The following CTNNA3 variants were observed in gnomAD, a reference collection of about 807,000 sequenced individuals.
The protein encoded by CTNNA3 is catenin alpha 3.
A neutral mutation model predicts 95.7 loss-of-function variants in CTNNA3; 76 were observed. The observed-to-expected ratio is 0.79, with a 90% CI of 0.66 to 0.96. The LOEUF (loss-of-function observed/expected upper bound fraction) is 0.96, where lower values mean the gene tolerates loss of function less well. Among genes scored for constraint, CTNNA3 ranks in the 40% least tolerant of loss-of-function variants. CTNNA3 has a pLI of 0.00. For synonymous variants in CTNNA3, 431 were observed against 374.4 expected, an observed-to-expected ratio of 1.15 and a Z score of -1.74; for missense variants, 1,191 against 1,089.8, an observed-to-expected ratio of 1.09 and a Z score of -1.31.
chr10:67,580,891 T>C lies in CTNNA3; in HGVS notation c.292+25966A>G, dbSNP rs1488973137. On this transcript the variant is annotated intron_variant, in intron 3 of 17. Transcript: ENST00000433211. ...TATTGGTGTATAGGAATGCTTGTGA[T>C]TTTTGCACATTGATTTTGTATCCTG... Among the ~76,000 whole-genome samples the C allele has an allele frequency of 6.6e-5, 10 of 152,232 alleles. No individual in the cohort carries two copies. The East Asian group carries it at 1.9e-3, about 29-fold the overall frequency.
intron 10 of CTNNA3, among the ~76,000 whole-genome samples, chr10:66,555,286 G>A (rs535173243): frequency 6.6e-6 from 1 of 152,208 alleles, no homozygotes; most frequent in East Asian, 1.9e-4. Context: ...TTGAGATGTT[G>A]CCAAAAGTTC....
At chr10:67,517,696 T>A (rs1213163520) in intron 5 of CTNNA3, among the ~76,000 whole-genome samples, 1 of 152,152 alleles carries the variant, frequency 6.6e-6, no homozygotes, top group Non-Finnish European at 1.5e-5. Context: ...TCCTCAGTAC[T>A]TTAACTGCCC....
intron 12 of CTNNA3, among the ~76,000 whole-genome samples, chr10:66,305,021 G>A (rs1232537846): frequency 6.6e-6 from 1 of 151,894 alleles, no homozygotes. Context: ...CCTCTCCCTG[G>A]TGGCACACGC....
intron 17 of CTNNA3, among the ~76,000 whole-genome samples, chr10:65,927,584 T>C (rs1451201520): frequency 6.6e-6 from 1 of 152,208 alleles, no homozygotes; most frequent in Non-Finnish European, 1.5e-5. Flanking sequence ...ATGTTTCACA[T>C]GGCATTACAT....
At chr10:67,321,867 A>G (rs1841330536) in intron 5 of CTNNA3, among the ~76,000 whole-genome samples, 1 of 152,076 alleles carries the variant, frequency 6.6e-6, no homozygotes, top group Non-Finnish European at 1.5e-5. Context: ...AACTTCTTCC[A>G]TCCCTATAAG....
chr10:67,000,983 GA>G (rs1851650126), intron 7 of CTNNA3, among the ~76,000 whole-genome samples: 1 of 152,054 alleles, frequency 6.6e-6, no homozygotes, highest in African/African-American at 2.4e-5. Context: ...GAGAAAATAG[GA>G]AGGAATAGTC....
intron 5 of CTNNA3, among the ~76,000 whole-genome samples, chr10:67,296,575 T>G (rs1240168150): frequency 5.3e-5 from 8 of 152,186 alleles, no homozygotes. Flanking sequence ...TCCTCCAGGT[T>G]GAAAGGGGTT....
intron 10 of CTNNA3, among the ~76,000 whole-genome samples, chr10:66,522,642 C>T (rs1053048541): frequency 1.3e-5 from 2 of 151,820 alleles, no homozygotes; most frequent in African/African-American, 4.8e-5. Context: ...GTCAATTAAA[C>T]CTCTTTCCTT....
chr10:66,527,203 C>A (rs1427379962), intron 10 of CTNNA3, among the ~76,000 whole-genome samples: 2 of 152,256 alleles, frequency 1.3e-5, no homozygotes, highest in South Asian at 2.1e-4. Flanking sequence ...ATTATCTGGG[C>A]AGCCTTGTCA....
At chr10:66,423,551 C>G (rs1478849627) in intron 11 of CTNNA3, among the ~76,000 whole-genome samples, 1 of 152,112 alleles carries the variant, frequency 6.6e-6, no homozygotes, top group African/African-American at 2.4e-5. Flanking sequence ...CAGAAACATT[C>G]CAACCCTAAG....
intron 7 of CTNNA3, among the ~76,000 whole-genome samples, chr10:66,852,182 T>G (rs12770469): frequency 1.3e-5 from 2 of 151,966 alleles, no homozygotes; most frequent in Non-Finnish European, 2.9e-5. Flanking sequence ...GGTACTTGAT[T>G]ATATTTTATT....
intron 1 of CTNNA3, among the ~76,000 whole-genome samples, chr10:67,726,074 T>A (rs1210632413): frequency 8.2e-6 from 1 of 122,480 alleles, no homozygotes; most frequent in African/African-American, 3.1e-5. Flanking sequence ...ATAAATATAT[T>A]TAAATTATAT....
intron 7 of CTNNA3, among the ~76,000 whole-genome samples, chr10:67,009,970 G>A (rs2133032660): frequency 6.6e-6 from 1 of 152,242 alleles, no homozygotes; most frequent in South Asian, 2.1e-4. Flanking sequence ...TGTCATTCTA[G>A]TATAGATTCT....
chr10:66,324,685 C>A (rs1341665726), intron 12 of CTNNA3, among the ~76,000 whole-genome samples: 1 of 152,086 alleles, frequency 6.6e-6, no homozygotes, highest in East Asian at 1.9e-4. Flanking sequence ...GTTCCATGTC[C>A]TGCATGGGGG....
At chr10:67,085,257 T>A (rs968565779) in intron 7 of CTNNA3, among the ~76,000 whole-genome samples, 1 of 151,952 alleles carries the variant, frequency 6.6e-6, no homozygotes, top group African/African-American at 2.4e-5. Flanking sequence ...TATATGTGGC[T>A]GATCACATAA....
chr10:66,780,926 T>C (rs1840509970), intron 7 of CTNNA3, among the ~76,000 whole-genome samples: 1 of 152,182 alleles, frequency 6.6e-6, no homozygotes, highest in Non-Finnish European at 1.5e-5. Flanking sequence ...CCATGTTCTC[T>C]AAAAGGAAGA....
chr10:67,385,612 G>A (rs1159947602), intron 5 of CTNNA3, among the ~76,000 whole-genome samples: 1 of 152,118 alleles, frequency 6.6e-6, no homozygotes, highest in Non-Finnish European at 1.5e-5. Flanking sequence ...TTTAAAGGAA[G>A]AAGGAATCAT....
intron 8 of CTNNA3, among the ~76,000 whole-genome samples, chr10:66,772,723 A>G (rs1380904698): frequency 8.5e-5 from 13 of 152,182 alleles, no homozygotes; most frequent in Non-Finnish European, 1.0e-4. Context: ...TTCTCCTTAG[A>G]TATTTCTAAG....
intron 3 of CTNNA3, among the ~76,000 whole-genome samples, chr10:67,547,786 G>A (rs1483470007): frequency 6.6e-6 from 1 of 152,116 alleles, no homozygotes; most frequent in Non-Finnish European, 1.5e-5. Flanking sequence ...CCATTCACAA[G>A]AGCATCCAAC....
Sources: allele counts gnomAD v4.1 joint callset (sites outside exome capture counted in the v4.1 genomes callset), GRCh38; gene constraint gnomAD v4.1.1; transcripts MANE v1.5; gene names NCBI Gene and HGNC (gene_info 2026-07-23, HGNC 2026-07-21).